SYNDIG1: variants seen among roughly 807,000 people sequenced by gnomAD.
The protein encoded by SYNDIG1 is synapse differentiation-inducing gene protein 1.
In SYNDIG1, 9 loss-of-function variants were observed where a neutral mutation model predicts 19.4. That is an observed-to-expected ratio of 0.46 (90% CI 0.28 to 0.81). The LOEUF (loss-of-function observed/expected upper bound fraction) is 0.81, where lower values mean the gene tolerates loss of function less well. Among genes scored for constraint, SYNDIG1 ranks in the 30% least tolerant of loss-of-function variants. SYNDIG1 has a pLI of 0.12. For synonymous variants in SYNDIG1, 141 were observed against 145.9 expected (o/e 0.97, Z 0.24); for missense variants, 311 against 343.3 (o/e 0.91, Z 0.74).
chr20:24,605,713 G>T (rs1159921625), intron 3 of SYNDIG1, among the ~76,000 whole-genome samples: 1 of 152,126 alleles, frequency 6.6e-6, no homozygotes, highest in African/African-American at 2.4e-5. Flanking sequence ...CCACTGATAG[G>T]TGATACATTG....
intron 1 of SYNDIG1, among the ~76,000 whole-genome samples, chr20:24,517,768 T>C (rs1332533256): frequency 2.0e-5 from 3 of 146,878 alleles, no homozygotes; most frequent in Non-Finnish European, 4.5e-5. Flanking sequence ...TGTATATATA[T>C]ATATACATAC....
chr20:24,517,386 C>T (rs911932065), intron 1 of SYNDIG1, among the ~76,000 whole-genome samples: 5 of 150,356 alleles, frequency 3.3e-5, no homozygotes, highest in Admixed American at 6.6e-5. Flanking sequence ...GAGGCCGAGG[C>T]GGGCAGATCA....
At chr20:24,662,589 G>A (rs555443427) in intron 3 of SYNDIG1, among the ~76,000 whole-genome samples, 16 of 152,280 alleles carry the variant, frequency 1.1e-4, no homozygotes, top group East Asian at 5.8e-4. Flanking sequence ...GAGCTGAAAC[G>A]CTTTCTCTGA....
chr20:24,483,169 G>T (rs2055846334), intron 1 of SYNDIG1, among the ~76,000 whole-genome samples: 1 of 152,202 alleles, frequency 6.6e-6, no homozygotes, highest in African/African-American at 2.4e-5. Context: ...GGGTGTCTTT[G>T]TCAAGCATGC....
At chr20:24,626,235 C>T (rs1328700353) in intron 3 of SYNDIG1, among the ~76,000 whole-genome samples, 3 of 116,234 alleles carry the variant, frequency 2.6e-5, no homozygotes, top group Admixed American at 7.7e-5. Context: ...ACCTCCCTCC[C>T]GGACAGGGTG....
chr20:24,549,114 A>G (rs996403310), intron 2 of SYNDIG1, among the ~76,000 whole-genome samples: 1 of 152,016 alleles, frequency 6.6e-6, no homozygotes, highest in African/African-American at 2.4e-5. Flanking sequence ...TGCATAATAT[A>G]TTATTTTTCA....
At chr20:24,568,369 C>T (rs892144820) in intron 2 of SYNDIG1, among the ~76,000 whole-genome samples, 1 of 152,144 alleles carries the variant, frequency 6.6e-6, no homozygotes, top group African/African-American at 2.4e-5. Context: ...GGAGTTGTCC[C>T]CTTGTAGCAG....
chr20:24,567,553 G>A (rs2058069865), intron 2 of SYNDIG1, among the ~76,000 whole-genome samples: 1 of 152,152 alleles, frequency 6.6e-6, no homozygotes, highest in Non-Finnish European at 1.5e-5. Context: ...GAGCCCAAAG[G>A]GGCTCTGACC....
intron 2 of SYNDIG1, among the ~76,000 whole-genome samples, chr20:24,583,881 G>A (rs2058369760): frequency 6.6e-6 from 1 of 152,164 alleles, no homozygotes; most frequent in Non-Finnish European, 1.5e-5. Flanking sequence ...CCTGCCAGAG[G>A]TTGGAGGGTG....
At chr20:24,478,065 G>A (rs922472185) in intron 1 of SYNDIG1, among the ~76,000 whole-genome samples, 5 of 152,220 alleles carry the variant, frequency 3.3e-5, no homozygotes, top group African/African-American at 1.2e-4. Flanking sequence ...CCACAGGGCC[G>A]CCTGGCTGCC....
At chr20:24,504,053 A>G (rs975838106) in intron 1 of SYNDIG1, among the ~76,000 whole-genome samples, 46 of 139,338 alleles carry the variant, frequency 3.3e-4, no homozygotes, top group African/African-American at 1.2e-3. Flanking sequence ...TCCACCTCCC[A>G]GGCTCACGCC....
At chr20:24,632,935 A>G (rs2024608) in intron 3 of SYNDIG1, among the ~76,000 whole-genome samples, 31,977 of 151,372 alleles carry the variant, frequency 0.21, 4,123 homozygotes, top group Admixed American at 0.36. Flanking sequence ...GTACTGCCAT[A>G]GATTATGTGA....
chr20:24,519,905 G>C (rs891106035), intron 1 of SYNDIG1, among the ~76,000 whole-genome samples: 1 of 152,076 alleles, frequency 6.6e-6, no homozygotes, highest in African/African-American at 2.4e-5. Flanking sequence ...CATCACTGTA[G>C]ATTAAACTCA....
intron 1 of SYNDIG1, among the ~76,000 whole-genome samples, chr20:24,501,993 G>A (rs915905660): frequency 6.6e-6 from 1 of 152,234 alleles, no homozygotes; most frequent in Non-Finnish European, 1.5e-5. Flanking sequence ...AATGGCCCAC[G>A]AGCAGCCCTT....
intron 3 of SYNDIG1, among the ~76,000 whole-genome samples, chr20:24,625,747 T>C (rs1298332298): frequency 3.3e-5 from 5 of 152,024 alleles, no homozygotes; most frequent in Admixed American, 1.3e-4. Flanking sequence ...AAATGAAAAG[T>C]CTCCCATGTC....
At chr20:24,582,188 G>C (rs6049794) in intron 2 of SYNDIG1, among the ~76,000 whole-genome samples, 5 of 86,306 alleles carry the variant, frequency 5.8e-5, no homozygotes, top group Non-Finnish European at 6.7e-5. Flanking sequence ...AGTCCTCCCC[G>C]CTGCACATCC....
chr20:24,584,809 T>C (rs1376403341), intron 2 of SYNDIG1, 47 bp from the exon 3 acceptor site: 2 of 1,613,346 alleles, frequency 1.2e-6, no homozygotes, highest in South Asian at 2.2e-5. Context: ...GGATGACTCC[T>C]TTATTAATCT....
intron 1 of SYNDIG1, among the ~76,000 whole-genome samples, chr20:24,471,811 C>T (rs1188977422): frequency 6.6e-6 from 1 of 152,068 alleles, no homozygotes; most frequent in Non-Finnish European, 1.5e-5. Context: ...TATTTCAAAA[C>T]TCATTCCAAA....
At chr20:24,645,508 C>A (rs926485039) in intron 3 of SYNDIG1, among the ~76,000 whole-genome samples, 1 of 152,154 alleles carries the variant, frequency 6.6e-6, no homozygotes, top group African/African-American at 2.4e-5. Flanking sequence ...TGGCACAGGG[C>A]TCCAGAGAAA....
Sources: gnomAD v4.1 joint callset for allele counts (sites outside exome capture counted in the v4.1 genomes callset) on GRCh38, gnomAD v4.1.1 for gene constraint, MANE v1.5 for transcripts, NCBI Gene and HGNC (gene_info 2026-07-23, HGNC 2026-07-21) for gene names.